Variants in UTRN observed in about 807,000 individuals in gnomAD.
UTRN encodes the protein dystrophin-related protein 1.
UTRN carries 283 observed loss-of-function variants against 463.9 expected under a neutral mutation model. That is an observed-to-expected ratio of 0.61 (90% CI 0.55 to 0.67). The LOEUF is 0.67. Among genes scored for constraint, UTRN ranks in the 30% least tolerant of loss-of-function variants. UTRN has a pLI of 0.00. For missense variants in UTRN, 3,922 were observed against 4,084.3 expected, an observed-to-expected ratio of 0.96 and a Z score of 1.08; for synonymous variants, 1,442 against 1,431.5, an observed-to-expected ratio of 1.01 and a Z score of -0.17.
intron 51 of UTRN, among the ~76,000 whole-genome samples, chr6:144,593,106 G>A (rs1437644578): frequency 6.6e-6 from 1 of 152,202 alleles, no homozygotes; most frequent in African/African-American, 2.4e-5. Context: ...AGAAAACTCT[G>A]CGAATAGACT....
chr6:144,391,106 C>T (rs1018819720), intron 2 of UTRN, among the ~76,000 whole-genome samples: 10 of 151,862 alleles, frequency 6.6e-5, no homozygotes, highest in South Asian at 2.1e-4. Flanking sequence ...AGGTCTTGCT[C>T]AGTCACCTAG....
chr6:144,759,680 G>A (rs1792430169), intron 58 of UTRN, among the ~76,000 whole-genome samples: 1 of 152,116 alleles, frequency 6.6e-6, no homozygotes. Flanking sequence ...AGGGGAGGCA[G>A]AGATTTGAGA....
intron 74 of UTRN, among the ~76,000 whole-genome samples, chr6:144,847,640 G>A (rs1306126118): frequency 6.6e-6 from 1 of 152,108 alleles, no homozygotes; most frequent in Non-Finnish European, 1.5e-5. Flanking sequence ...CCTTTGTCCT[G>A]TAAAGATAAG....
At chr6:144,472,060 C>T (rs1300168053) in intron 23 of UTRN, among the ~76,000 whole-genome samples, 3 of 152,178 alleles carry the variant, frequency 2.0e-5, no homozygotes, top group Non-Finnish European at 2.9e-5. Context: ...GGGTCATTTA[C>T]GTCATAATCT....
chr6:144,634,517 G>A (rs78116916), intron 51 of UTRN, among the ~76,000 whole-genome samples: 2,377 of 152,300 alleles, frequency 0.016, 54 homozygotes, highest in African/African-American at 0.054. Flanking sequence ...GGAGACAATA[G>A]AAGAGAATCT....
chr6:144,337,133 A>G (rs1292651037), intron 2 of UTRN, among the ~76,000 whole-genome samples: 1 of 151,630 alleles, frequency 6.6e-6, no homozygotes, highest in African/African-American at 2.4e-5. Flanking sequence ...ACACACACAC[A>G]CAGACTCACA....
chr6:144,690,512 T>C (rs1428232496), intron 52 of UTRN, among the ~76,000 whole-genome samples: 2 of 152,082 alleles, frequency 1.3e-5, no homozygotes, highest in African/African-American at 2.4e-5. Context: ...GCCATGCCCA[T>C]CCTCATCTGC....
intron 73 of UTRN, among the ~76,000 whole-genome samples, chr6:144,845,759 G>T (rs1398918578): frequency 1.3e-5 from 2 of 152,072 alleles, no homozygotes; most frequent in African/African-American, 4.8e-5. Flanking sequence ...TTTTCTCCTG[G>T]ATGTAACTTA....
At chr6:144,395,401 GTTTTT>G (rs397960296) in intron 2 of UTRN, among the ~76,000 whole-genome samples, 3 of 127,772 alleles carry the variant, frequency 2.3e-5, no homozygotes, top group Non-Finnish European at 5.1e-5. Context: ...AAGATGTTGA[GTTTTT>G]TTTTTTTTTT....
At chr6:144,797,600 A>G (rs1198308593) in intron 63 of UTRN, 4 of 419,526 alleles carry the variant, frequency 9.5e-6, no homozygotes, top group Non-Finnish European at 1.7e-5. Context: ...AAGTCTTGGT[A>G]TTTTTTTGCT....
chr6:144,818,246 T>A (rs1473349051), intron 65 of UTRN, among the ~76,000 whole-genome samples: 1 of 152,212 alleles, frequency 6.6e-6, no homozygotes, highest in African/African-American at 2.4e-5. Flanking sequence ...GAAAATAGAT[T>A]AATGCTTGCC....
chr6:144,533,411 C>T lies in UTRN; in HGVS notation c.6233+151C>T. On this transcript the variant is annotated intron_variant, in intron 43 of 74. Coordinates refer to ENST00000367545, the MANE Select transcript of UTRN (RefSeq NM_007124.3). The stretch of plus-strand genomic sequence containing the variant: ...ACCTCCACTGCCCACGTTCTCCCTT[C>T]CTGTATTTTTAGGCTGTCCATAAAG... The T allele has an allele frequency of 2.1e-5, 29 of 1,361,170 alleles. No individual in the cohort carries two copies. In the South Asian group the frequency reaches 3.0e-4, roughly 14 times the overall value. 84.3% of individuals were successfully genotyped at this position (1,361,170 alleles called of 1,614,324 possible).
chr6:144,779,007 A>G (rs2128736940), intron 60 of UTRN, among the ~76,000 whole-genome samples: 1 of 152,300 alleles, frequency 6.6e-6, no homozygotes, highest in Admixed American at 6.5e-5. Context: ...AAATCACTAA[A>G]AATTGAAGAC....
chr6:144,287,772 G>A (rs1030935378), intron 1 of UTRN, among the ~76,000 whole-genome samples: 2 of 152,120 alleles, frequency 1.3e-5, no homozygotes, highest in Non-Finnish European at 2.9e-5. Flanking sequence ...AGTGAATATC[G>A]ACTTGACTGG....
intron 2 of UTRN, among the ~76,000 whole-genome samples, chr6:144,327,976 C>T (rs1028898778): frequency 3.3e-5 from 5 of 151,834 alleles, no homozygotes; most frequent in East Asian, 1.9e-4. Flanking sequence ...CAAAGCAAAA[C>T]GAAACAAAAA....
At chr6:144,321,196 G>A (rs1006541208) in intron 2 of UTRN, among the ~76,000 whole-genome samples, 18 of 149,102 alleles carry the variant, frequency 1.2e-4, no homozygotes, top group African/African-American at 3.4e-4. Flanking sequence ...CTATTTAACC[G>A]TTTTACTATT....
chr6:144,635,530 C>CTTTTTTTTTTTTTTTTT (rs1562685915), intron 51 of UTRN, among the ~76,000 whole-genome samples: 78 of 59,036 alleles, frequency 1.3e-3, no homozygotes, highest in Non-Finnish European at 2.1e-3. Context: ...TTTTTTTTTT[C>CTTTTTTTTTTTTTTTTT]TTTTCTTTTT....
At chr6:144,516,778 T>C in intron 38 of UTRN, 33 bp from the exon 39 acceptor site, 1 of 1,409,130 alleles carries the variant, frequency 7.1e-7, no homozygotes, top group East Asian at 2.6e-5. Context: ...ATTTTTCTTT[T>C]GAGTCATTTT....
At chr6:144,376,087 G>T (rs919896358) in intron 2 of UTRN, among the ~76,000 whole-genome samples, 6 of 152,200 alleles carry the variant, frequency 3.9e-5, no homozygotes, top group Admixed American at 2.6e-4. Flanking sequence ...CTGGGACTCA[G>T]GCAGTCCTCC....
Sources: allele counts gnomAD v4.1 joint callset (sites outside exome capture counted in the v4.1 genomes callset), GRCh38; gene constraint gnomAD v4.1.1; transcripts MANE v1.5; gene names NCBI Gene and HGNC (gene_info 2026-07-23, HGNC 2026-07-21).